ST8SIA2: variants seen among roughly 807,000 people sequenced by gnomAD.
The protein encoded by ST8SIA2 is ST8 alpha-N-acetyl-neuraminide alpha-2,8-sialyltransferase 2.
Under a neutral mutation model 37.6 loss-of-function variants are expected in ST8SIA2, and 22 were observed. The ratio of observed to expected loss-of-function variants is 0.58; its 90% CI spans 0.42 to 0.83. The LOEUF is 0.83. Ranked by LOEUF, ST8SIA2 falls within the 40% of genes least tolerant of loss-of-function variation. The probability of loss-of-function intolerance (pLI) is 0.00; values close to 1 mark genes in which losing one functional copy is unlikely to be tolerated. For synonymous variants in ST8SIA2, 205 were observed against 201.2 expected, an observed-to-expected ratio of 1.02 and a Z score of -0.16; for missense variants, 382 against 484.7, an observed-to-expected ratio of 0.79 and a Z score of 1.99.
intron 5 of ST8SIA2, among the ~76,000 whole-genome samples, chr15:92,455,443 T>C (rs1229943850): frequency 6.6e-6 from 1 of 152,122 alleles, no homozygotes; most frequent in Non-Finnish European, 1.5e-5. Flanking sequence ...AAAAGCCAAC[T>C]CCGCTCCGCA....
intron 5 of ST8SIA2, among the ~76,000 whole-genome samples, chr15:92,451,774 T>C (rs373734277): frequency 2.0e-5 from 3 of 152,180 alleles, no homozygotes; most frequent in African/African-American, 7.2e-5. Context: ...ATCCCCATTT[T>C]AAAGATAGGA....
intron 1 of ST8SIA2, among the ~76,000 whole-genome samples, chr15:92,401,406 C>T (rs1033252902): frequency 1.3e-5 from 2 of 152,184 alleles, no homozygotes; most frequent in Non-Finnish European, 2.9e-5. Flanking sequence ...AATTTATCAC[C>T]CAGCTAGGAA....
At chr15:92,413,354 A>G (rs1376857208) in intron 1 of ST8SIA2, among the ~76,000 whole-genome samples, 1 of 152,188 alleles carries the variant, frequency 6.6e-6, no homozygotes, top group Non-Finnish European at 1.5e-5. Context: ...TTTACTCTTC[A>G]CAGTTCACCC....
At chr15:92,434,936 T>C (rs2049745693) in intron 3 of ST8SIA2, among the ~76,000 whole-genome samples, 1 of 152,186 alleles carries the variant, frequency 6.6e-6, no homozygotes. Flanking sequence ...AGAGCAGCTC[T>C]CGTCCTGATC....
intron 5 of ST8SIA2, among the ~76,000 whole-genome samples, chr15:92,456,466 T>C (rs947478196): frequency 6.6e-6 from 1 of 152,202 alleles, no homozygotes; most frequent in African/African-American, 2.4e-5. Context: ...GTCAGTACAT[T>C]TGCTTATAGA....
chr15:92,427,894 A>T (rs1194913402), intron 1 of ST8SIA2, among the ~76,000 whole-genome samples: 1 of 152,238 alleles, frequency 6.6e-6, no homozygotes, highest in Non-Finnish European at 1.5e-5. Context: ...GAGGCACGAG[A>T]ATCACTTGAA....
chr15:92,410,814 C>T (rs1671419848), intron 1 of ST8SIA2, among the ~76,000 whole-genome samples: 1 of 152,112 alleles, frequency 6.6e-6, no homozygotes, highest in Admixed American at 6.5e-5. Flanking sequence ...GAGGGGGTTC[C>T]CTACCAAGGA....
At chr15:92,414,649 G>A (rs1010906658) in intron 1 of ST8SIA2, among the ~76,000 whole-genome samples, 3 of 152,218 alleles carry the variant, frequency 2.0e-5, no homozygotes, top group African/African-American at 4.8e-5. Flanking sequence ...TGTGGCAAGG[G>A]CCCAGGCAGC....
intron 1 of ST8SIA2, among the ~76,000 whole-genome samples, chr15:92,429,574 C>G (rs1028503144): frequency 6.6e-6 from 1 of 152,226 alleles, no homozygotes; most frequent in Non-Finnish European, 1.5e-5. Flanking sequence ...TTGAGTTAAC[C>G]TTGCTGCCTC....
intron 1 of ST8SIA2, chr15:92,421,445 CA>C (rs2141820707): frequency 6.6e-6 from 1 of 152,264 alleles, no homozygotes; most frequent in South Asian, 2.1e-4. Context: ...TAGAAAAATT[CA>C]AAAGAAGAAT....
intron 1 of ST8SIA2, among the ~76,000 whole-genome samples, chr15:92,419,155 C>G (rs553210358): frequency 1.7e-4 from 26 of 152,234 alleles, no homozygotes; most frequent in Admixed American, 3.3e-4. Flanking sequence ...CATCCAACAC[C>G]GATGCGGTTC....
chr15:92,445,803 A>C (rs143457681), intron 5 of ST8SIA2, among the ~76,000 whole-genome samples: 296 of 152,350 alleles, frequency 1.9e-3, no homozygotes, highest in African/African-American at 6.7e-3. Flanking sequence ...ATTCCTATCA[A>C]GAAGTCCATG....
At chr15:92,398,437 A>G (rs977955479) in intron 1 of ST8SIA2, among the ~76,000 whole-genome samples, 1 of 152,250 alleles carries the variant, frequency 6.6e-6, no homozygotes, top group Non-Finnish European at 1.5e-5. Flanking sequence ...AACAATAGCA[A>G]TTATGACAAC....
chr15:92,434,153 T>A, intron 2 of ST8SIA2, 94 bp from the exon 3 acceptor site: 1 of 1,583,362 alleles, frequency 6.3e-7, no homozygotes, highest in Non-Finnish European at 8.6e-7. Flanking sequence ...TGGAGAAGTT[T>A]ACATTCAAGC....
At chr15:92,424,687 C>G (rs1331350697) in intron 1 of ST8SIA2, among the ~76,000 whole-genome samples, 1 of 151,646 alleles carries the variant, frequency 6.6e-6, no homozygotes, top group African/African-American at 2.4e-5. Flanking sequence ...TCTCAGCTCA[C>G]TGCAACCTCT....
chr15:92,412,901 G>A (rs1329279181), intron 1 of ST8SIA2, among the ~76,000 whole-genome samples: 7 of 152,000 alleles, frequency 4.6e-5, no homozygotes, highest in Admixed American at 2.0e-4. Context: ...CAAGTGATTC[G>A]CCCACCTCGG....
Position 92,438,355 on chromosome 15 carries a change from A to C in ST8SIA2, c.293A>C (p.Lys98Thr), listed in dbSNP as rs766032174. The C allele has an allele frequency of 4.3e-6, 7 of 1,614,088 alleles. No homozygotes were observed. Among genetic ancestry groups the C allele is most frequent in the African/African-American group, 2.7e-5 (2 of 74,938 alleles). The stretch of plus-strand genomic sequence containing the variant: ...TCACGCATGTTTGGTTTTCACAGGA[A>C]GCAGATTTTAAAGTTCTTGGATGCT... ...HNQTLSLRIR[K>T]QILKFLDAEK... Residue 98 changes from lysine to threonine, a missense_variant and splice_region_variant, in exon 4 of 6, where the codon AAG becomes ACG. Coordinates refer to ENST00000268164, the MANE Select transcript of ST8SIA2 (RefSeq NM_006011.4).
Position 92,458,453 on chromosome 15 carries a change from G to T in ST8SIA2, c.843-5647G>T, listed in dbSNP as rs145170725. 2.4e-4 allele frequency among the ~76,000 whole-genome samples: 37 copies of T among 152,326 alleles called. No individual in the cohort carries two copies. In the East Asian group the frequency reaches 6.4e-3, roughly 26 times the overall value. Reference sequence around the variant, plus strand: ...TCTCTGCAACAGTGCTTTGGACCCAGCATGCACTGAGCAAGATGCCTTTGA... The same window carrying T: ...TCTCTGCAACAGTGCTTTGGACCCATCATGCACTGAGCAAGATGCCTTTGA... On this transcript the variant is annotated intron_variant, in intron 5 of 5. Coordinates refer to ENST00000268164, the MANE Select transcript of ST8SIA2 (RefSeq NM_006011.4).
intron 3 of ST8SIA2, among the ~76,000 whole-genome samples, chr15:92,437,045 C>T (rs2141833363): frequency 6.6e-6 from 1 of 152,326 alleles, no homozygotes; most frequent in East Asian, 1.9e-4. Context: ...GTGAACATCT[C>T]AAATCCAGCA....
Sources: allele counts gnomAD v4.1 joint callset (sites outside exome capture counted in the v4.1 genomes callset), GRCh38; gene constraint gnomAD v4.1.1; transcripts MANE v1.5; gene names NCBI Gene and HGNC (gene_info 2026-07-23, HGNC 2026-07-21).